PIWIL3: variants seen among roughly 807,000 people sequenced by gnomAD.
PIWIL3 encodes piwi-like protein 3.
A neutral mutation model predicts 109.7 loss-of-function variants in PIWIL3; 101 were observed. That is an observed-to-expected ratio of 0.92 (90% CI 0.78 to 1.09). The LOEUF is 1.09. Ranked by LOEUF, PIWIL3 falls within the 50% of genes least tolerant of loss-of-function variation. The probability of loss-of-function intolerance (pLI) is 0.00; values close to 1 mark genes in which losing one functional copy is unlikely to be tolerated. For missense variants in PIWIL3, 1,031 were observed against 1,072.6 expected (o/e 0.96, Z 0.54); for synonymous variants, 373 against 376.4 (o/e 0.99, Z 0.10).
In PIWIL3 at chr22:24,770,138, C is replaced by T. The variant is rs933952121; in HGVS notation, c.-23+4184G>A. On this transcript the variant is annotated intron_variant, in intron 1 of 20. Coordinates refer to ENST00000616349, the MANE Select transcript of PIWIL3 (RefSeq NM_001255975.1). ...CTTTATGTAGATCAAAGCATTTCAT[C>T]GTAACAGCTTTGTGAAGGGGGCAGT... Among the ~76,000 whole-genome samples, 18 of 152,300 alleles carry T rather than the reference C, an allele frequency of 1.2e-4. No homozygotes were observed. The South Asian group carries it at 2.3e-3, about 19-fold the overall frequency.
At chr22:24,764,743 C>T (rs1925689472) in intron 1 of PIWIL3, among the ~76,000 whole-genome samples, 1 of 151,682 alleles carries the variant, frequency 6.6e-6, no homozygotes, top group Non-Finnish European at 1.5e-5. Context: ...ACCTCAACCT[C>T]CCGGGCTCAA....
intron 12 of PIWIL3, among the ~76,000 whole-genome samples, chr22:24,744,251 C>T (rs1601836850): frequency 7.5e-6 from 1 of 133,210 alleles, no homozygotes; most frequent in East Asian, 2.5e-4. Context: ...TATAAAGACT[C>T]ACATAGACTG....
intron 18 of PIWIL3, 26 bp from the exon 19 acceptor site, chr22:24,723,281 C>G (rs373117049): frequency 2.5e-6 from 4 of 1,596,542 alleles, no homozygotes; most frequent in Non-Finnish European, 3.4e-6. Flanking sequence ...GTAAGTGTCA[C>G]TATGTTTACT....
At chr22:24,729,670 T>TGGAC (rs559866608) in intron 14 of PIWIL3, among the ~76,000 whole-genome samples, 166 of 152,346 alleles carry the variant, frequency 1.1e-3, no homozygotes, top group African/African-American at 3.8e-3. Context: ...AAGTTTTTGG[T>TGGAC]GGACATCTTT....
At position 24,751,468 on chromosome 22, in the gene PIWIL3, A is replaced by G. The variant is rs1258326589; in HGVS notation, c.1008T>C (p.Asp336=). The change falls in exon 9 of 21, where the codon GAT becomes GAC. Residue 336 remains aspartate, a synonymous_variant. Transcript: ENST00000616349. ...KYNNKTYRVD[D]IDWKQNPEDT... ...CTTCAGGATTCTGCTTCCAATCAAT[A>G]TCATCTACTCTGTAGGTTTTGTTGT... 3.1e-6 allele frequency: 5 copies of G among 1,613,652 alleles called. No individual in the cohort carries two copies. The highest frequency in any genetic ancestry group is 4.2e-6 in the Non-Finnish European group (5 of 1,179,906).
intron 12 of PIWIL3, among the ~76,000 whole-genome samples, chr22:24,744,178 TAAAAAAA>T (rs1188611412): frequency 2.9e-5 from 1 of 34,304 alleles, no homozygotes; most frequent in South Asian, 1.4e-3. Context: ...GTGACCGAAT[TAAAAAAA>T]AAAAAAAAAA....
chr22:24,754,359 T>C, intron 7 of PIWIL3, 142 bp from the exon 8 acceptor site: 1 of 664,728 alleles, frequency 1.5e-6, no homozygotes, highest in Non-Finnish European at 2.5e-6. Context: ...GACCTTCAGA[T>C]AAACATTTAT....
intron 1 of PIWIL3, among the ~76,000 whole-genome samples, chr22:24,770,635 C>T (rs28657698): frequency 0.014 from 1,988 of 143,358 alleles, 33 homozygotes; most frequent in African/African-American, 0.048. Flanking sequence ...CCAGCCTGGC[C>T]GACATGGTGA....
intron 18 of PIWIL3, among the ~76,000 whole-genome samples, chr22:24,724,657 G>C (rs1181289817): frequency 6.6e-6 from 1 of 151,862 alleles, no homozygotes; most frequent in Non-Finnish European, 1.5e-5. Flanking sequence ...GCCTGGTCTT[G>C]AACTCCTAAC....
At chr22:24,753,673 T>C (rs1924840724) in intron 8 of PIWIL3, among the ~76,000 whole-genome samples, 2 of 152,182 alleles carry the variant, frequency 1.3e-5, no homozygotes, top group East Asian at 3.8e-4. Context: ...TTCCTTCAAA[T>C]GGGAAATTGC....
At chr22:24,743,608 G>A (rs1358932765) in intron 12 of PIWIL3, among the ~76,000 whole-genome samples, 3 of 152,136 alleles carry the variant, frequency 2.0e-5, no homozygotes, top group Non-Finnish European at 4.4e-5. Flanking sequence ...CTCATAAGTG[G>A]GAGCTGAACT....
chr22:24,765,067 A>G (rs1043843920), intron 1 of PIWIL3, among the ~76,000 whole-genome samples: 1 of 152,208 alleles, frequency 6.6e-6, no homozygotes, highest in Admixed American at 6.5e-5. Context: ...AAAATATTTC[A>G]GATATCAAAA....
chr22:24,750,710 T>A (rs13054845), intron 9 of PIWIL3, among the ~76,000 whole-genome samples: 95,525 of 147,602 alleles, frequency 0.65, 31,117 homozygotes, highest in East Asian at 0.74. Context: ...CTGGTCTCGA[T>A]CTCCTGACCT....
At chr22:24,741,154 A>G (rs1449939345) in intron 12 of PIWIL3, among the ~76,000 whole-genome samples, 1 of 152,232 alleles carries the variant, frequency 6.6e-6, no homozygotes, top group Non-Finnish European at 1.5e-5. Flanking sequence ...ATTAAAAACA[A>G]AAATCACATG....
rs1378010635 is a variant in PIWIL3 at position 24,757,581 on chromosome 22, A to T, written c.355+327T>A. ...TGTAAGGATGGCTTGGGCCAGTTCT[A>T]GACCAGCAAGACCGTGTCTCTACAA... On this transcript the variant is annotated intron_variant, in intron 4 of 20. Transcript: ENST00000616349. 3.8e-5 allele frequency among the ~76,000 whole-genome samples: 3 copies of T among 78,050 alleles called. No individual in the cohort carries two copies. In the East Asian group the frequency reaches 1.5e-3, roughly 39 times the overall value. The allele number at this position is 78,050 out of a possible 152,430, so 51.2% of individuals were successfully genotyped here.
chr22:24,726,384 G>A (rs1291538222), intron 16 of PIWIL3, among the ~76,000 whole-genome samples: 3 of 151,538 alleles, frequency 2.0e-5, no homozygotes, highest in African/African-American at 4.9e-5. Flanking sequence ...CCGGGTTCAC[G>A]CCATTCTCCT....
intron 12 of PIWIL3, among the ~76,000 whole-genome samples, chr22:24,745,717 GAAAAAAAAA>G (rs71189273): frequency 9.0e-4 from 72 of 80,248 alleles, no homozygotes; most frequent in Admixed American, 2.7e-3. Context: ...GTCAGACTAA[GAAAAAAAAA>G]AAAAAAAAAA....
rs148658010 is a variant in PIWIL3 at position 24,759,964 on chromosome 22, G to A, written c.128C>T (p.Ser43Leu). ...TTCCTCCTGCAGCGGCCGGGGTGTC[G>A]ACTGCAACTGAGGGGGCTCCTGGGT... Reference protein sequence around the residue: ...ATTQEPPQLQSTPRPLQEEVP... With the variant: ...ATTQEPPQLQLTPRPLQEEVP... Residue 43 changes from serine to leucine, a missense_variant, in exon 3 of 21, where the codon TCG becomes TTG. Physicochemically the swap from Ser to Leu is moderately radical, Grantham distance 145. Transcript: ENST00000616349. 25 of 1,614,072 alleles carry A rather than the reference G, an allele frequency of 1.5e-5. No individual in the cohort carries two copies. The highest frequency in any genetic ancestry group is 1.1e-4 in the East Asian group (5 of 44,888).
At chr22:24,757,675 C>CATATATATAAAATATGTATATATT (rs1925160990) in intron 4 of PIWIL3, among the ~76,000 whole-genome samples, 7 of 144,806 alleles carry the variant, frequency 4.8e-5, no homozygotes, top group East Asian at 1.9e-4. Context: ...CACACACACA[C>CATATATATAAAATATGTATATATT]ACACACACAC....
Sources: allele counts gnomAD v4.1 joint callset (sites outside exome capture counted in the v4.1 genomes callset), GRCh38; gene constraint gnomAD v4.1.1; transcripts MANE v1.5; gene names NCBI Gene and HGNC (gene_info 2026-07-23, HGNC 2026-07-21).